Variants in RAB4B observed in about 807,000 individuals in gnomAD.
RAB4B encodes ras-related protein Rab-4B.
RAB4B carries 15 observed loss-of-function variants against 28.3 expected under a neutral mutation model. The ratio of observed to expected loss-of-function variants is 0.53; its 90% CI spans 0.35 to 0.82. The LOEUF (loss-of-function observed/expected upper bound fraction) is 0.82, where lower values mean the gene tolerates loss of function less well. Among genes scored for constraint, RAB4B ranks in the 40% least tolerant of loss-of-function variants. The probability of loss-of-function intolerance (pLI) is 0.01; values close to 1 mark genes in which losing one functional copy is unlikely to be tolerated. For synonymous variants in RAB4B, 108 were observed against 116.3 expected, an observed-to-expected ratio of 0.93 and a Z score of 0.46; for missense variants, 244 against 288.5, an observed-to-expected ratio of 0.85 and a Z score of 1.12.
At chr19:40,795,510 C>T in intron 7 of RAB4B, among the ~76,000 whole-genome samples, 1 of 151,720 alleles carries the variant, frequency 6.6e-6, no homozygotes, top group East Asian at 1.9e-4. Context: ...AGTGATTCTC[C>T]TGCCTCAGCC....
At chr19:40,794,291 G>A (rs1165969983) in intron 7 of RAB4B, among the ~76,000 whole-genome samples, 1 of 151,816 alleles carries the variant, frequency 6.6e-6, no homozygotes, top group Non-Finnish European at 1.5e-5. Context: ...TGGCCAGGCT[G>A]GTCTCAAACT....
intron 3 of RAB4B, among the ~76,000 whole-genome samples, chr19:40,782,551 G>T (rs186214673): frequency 8.9e-4 from 135 of 152,290 alleles, no homozygotes; most frequent in African/African-American, 3.1e-3. Flanking sequence ...GGTGGCTCAC[G>T]CCTGTAATCC....
chr19:40,786,747 C>G lies in RAB4B; in HGVS notation c.513C>G (p.Asn171Lys). 3 of 1,614,132 alleles carry G rather than the reference C, an allele frequency of 1.9e-6. No homozygotes were observed. Among genetic ancestry groups the G allele is most frequent in the Non-Finnish European group, 2.5e-6 (3 of 1,180,008 alleles). ...AFLKCARTIL[N>K]KIDSGELDPE... ...TCAAGTGTGCCCGCACTATCCTCAA[C>G]AAGATTGACTCAGGTGAGGCCCCGA... Residue 171 changes from asparagine (N) to lysine (K), a missense_variant, in exon 6 of 8, where the codon AAC (asparagine) becomes AAG (lysine). Transcript: ENST00000357052.
At chr19:40,791,010 C>T (rs956327391) in intron 7 of RAB4B, among the ~76,000 whole-genome samples, 1 of 151,854 alleles carries the variant, frequency 6.6e-6, no homozygotes, top group African/African-American at 2.4e-5. Flanking sequence ...TGCGTGCCAC[C>T]ACGTCTGGCT....
intron 3 of RAB4B, among the ~76,000 whole-genome samples, chr19:40,783,169 A>G (rs952289191): frequency 7.3e-6 from 1 of 136,318 alleles, no homozygotes; most frequent in Non-Finnish European, 1.6e-5. Context: ...AAAAAAAAAA[A>G]AAAGAAAAAG....
chr19:40,795,654 C>CA (rs1174850055), intron 7 of RAB4B, among the ~76,000 whole-genome samples: 3 of 152,012 alleles, frequency 2.0e-5, no homozygotes, highest in Non-Finnish European at 4.4e-5. Context: ...CTCGGCCTCC[C>CA]AAAGTGCTGG....
At chr19:40,779,029 A>AAGG in intron 1 of RAB4B, 2 of 985,516 alleles carry the variant, frequency 2.0e-6, no homozygotes, top group Non-Finnish European at 2.4e-6. Context: ...TATAGAAGAG[A>AAGG]AGGGAGAAGA....
At chr19:40,795,390 T>C (rs2083200397) in intron 7 of RAB4B, among the ~76,000 whole-genome samples, 1 of 151,168 alleles carries the variant, frequency 6.6e-6, no homozygotes, top group South Asian at 2.1e-4. Context: ...TATTTATTTA[T>C]TTATTTATTT....
intron 7 of RAB4B, among the ~76,000 whole-genome samples, chr19:40,794,997 C>A (rs980771969): frequency 3.5e-3 from 346 of 99,752 alleles, no homozygotes; most frequent in African/African-American, 4.9e-3. Flanking sequence ...ACTAAAAATA[C>A]AAAAAAAAAA....
Position 40,783,969 on chromosome 19 carries a change from C to T in RAB4B, c.324C>T (p.Thr108=), listed in dbSNP as rs1349285239. Residue 108 remains threonine, a synonymous_variant, in exon 5 of 8, where the codon ACC becomes ACT. Coordinates refer to ENST00000357052, the MANE Select transcript of RAB4B (RefSeq NM_016154.5). ...SLAAWLTDAR[T]LASPNIVVIL... is the part of the protein sequence containing the mutation. ...CTGCCTGGCTGACGGATGCCCGCAC[C>T]CTGGCCAGCCCCAACATCGTGGTCA... 5 of 1,613,852 alleles carry T rather than the reference C, an allele frequency of 3.1e-6. No individual in the cohort carries two copies. The highest frequency in any genetic ancestry group is 4.2e-6 in the Non-Finnish European group (5 of 1,179,870).
At chr19:40,789,620 C>G (rs1331198598) in intron 7 of RAB4B, among the ~76,000 whole-genome samples, 1 of 151,816 alleles carries the variant, frequency 6.6e-6, no homozygotes, top group Non-Finnish European at 1.5e-5. Flanking sequence ...TCTCCTGCCT[C>G]AGTCTCCCGA....
At chr19:40,783,171 A>AAAAAT (rs1568491949) in intron 3 of RAB4B, among the ~76,000 whole-genome samples, 8 of 133,410 alleles carry the variant, frequency 6.0e-5, no homozygotes, top group African/African-American at 1.2e-4. Context: ...AAAAAAAAAA[A>AAAAAT]AGAAAAAGGA....
At chr19:40,793,126 A>T (rs1167131280) in intron 7 of RAB4B, among the ~76,000 whole-genome samples, 1 of 151,758 alleles carries the variant, frequency 6.6e-6, no homozygotes, top group African/African-American at 2.4e-5. Flanking sequence ...ACTGCTTTGT[A>T]CCTTATACCT....
intron 3 of RAB4B, among the ~76,000 whole-genome samples, chr19:40,781,112 TAAAAAAAAAAAA>T (rs941942424): frequency 3.9e-5 from 3 of 76,650 alleles, no homozygotes; most frequent in Admixed American, 1.6e-4. Flanking sequence ...GTGTCTCTAC[TAAAAAAAAAAAA>T]AAAAAAAAAA....
At chr19:40,791,336 T>C (rs10411008) in intron 7 of RAB4B, among the ~76,000 whole-genome samples, 38,131 of 152,036 alleles carry the variant, frequency 0.25, 6,513 homozygotes, top group African/African-American at 0.49. Flanking sequence ...CTAACACACA[T>C]ATCTGCTCCT....
intron 7 of RAB4B, among the ~76,000 whole-genome samples, chr19:40,793,919 G>A (rs2545760): frequency 0.066 from 9,957 of 151,250 alleles, 401 homozygotes; most frequent in East Asian, 0.2. Context: ...GCTAGACTCC[G>A]TCTCACAAAA....
intron 7 of RAB4B, among the ~76,000 whole-genome samples, chr19:40,787,189 A>C (rs2083108289): frequency 7.6e-6 from 1 of 131,838 alleles, no homozygotes; most frequent in Non-Finnish European, 1.6e-5. Flanking sequence ...GAGGCAGTTC[A>C]TTGGGTGGGG....
intron 3 of RAB4B, among the ~76,000 whole-genome samples, chr19:40,781,939 T>C (rs1212397622): frequency 6.9e-6 from 1 of 145,784 alleles, no homozygotes; most frequent in African/African-American, 2.6e-5. Context: ...GAGAATGGCA[T>C]GAACCCAGAA....
At chr19:40,781,980 C>T (rs1459715750) in intron 3 of RAB4B, among the ~76,000 whole-genome samples, 3 of 144,352 alleles carry the variant, frequency 2.1e-5, no homozygotes, top group Non-Finnish European at 4.5e-5. Flanking sequence ...CAGATCGCGC[C>T]ACTGCACTCC....
Sources: gnomAD v4.1 joint callset for allele counts (sites outside exome capture counted in the v4.1 genomes callset) on GRCh38, gnomAD v4.1.1 for gene constraint, MANE v1.5 for transcripts, NCBI Gene and HGNC (gene_info 2026-07-23, HGNC 2026-07-21) for gene names.